SLC24A3: variants seen among roughly 807,000 people sequenced by gnomAD.
SLC24A3 encodes sodium/potassium/calcium exchanger 3.
Under a neutral mutation model 75.8 loss-of-function variants are expected in SLC24A3, and 28 were observed. That is an observed-to-expected ratio of 0.37 (90% confidence interval 0.27 to 0.51). SLC24A3 has a LOEUF of 0.51. Among genes scored for constraint, SLC24A3 ranks in the 20% least tolerant of loss-of-function variants. The pLI, the probability that SLC24A3 is intolerant of heterozygous loss-of-function variation, is 0.94. For synonymous variants in SLC24A3, 372 were observed against 334.1 expected, an observed-to-expected ratio of 1.11 and a Z score of -1.24; for missense variants, 663 against 847.8, an observed-to-expected ratio of 0.78 and a Z score of 2.71.
chr20:19,269,040 A>G (rs1254177151), intron 1 of SLC24A3, among the ~76,000 whole-genome samples: 1 of 152,182 alleles, frequency 6.6e-6, no homozygotes, highest in Non-Finnish European at 1.5e-5. Flanking sequence ...TGGCCTTGGA[A>G]TAGGGGACTC....
chr20:19,645,915 C>T (rs920519219), intron 6 of SLC24A3, among the ~76,000 whole-genome samples: 5 of 152,082 alleles, frequency 3.3e-5, no homozygotes, highest in South Asian at 2.1e-4. Context: ...ATCAGCCCAG[C>T]GTGGTGGCAT....
chr20:19,292,851 G>A (rs147886352), intron 2 of SLC24A3, among the ~76,000 whole-genome samples: 181 of 152,322 alleles, frequency 1.2e-3, no homozygotes, highest in East Asian at 5.4e-3. Context: ...CAGATTCAGT[G>A]TCTGGTGAGG....
chr20:19,591,827 A>G lies in SLC24A3; in HGVS notation c.612+6283A>G, dbSNP rs564249132. 5.3e-5 allele frequency among the ~76,000 whole-genome samples: 8 copies of G among 152,352 alleles called. No homozygotes were observed. In the South Asian group the frequency reaches 1.2e-3, roughly 24 times the overall value. ...AGTTTATTATAAAAAGCAGAGATAA[A>G]TGATTACAGGACAAAGCCTGTGCAC... On this transcript the variant is annotated intron_variant, in intron 6 of 16. Transcript: ENST00000328041.
Position 19,285,278 on chromosome 20 carries a change from G to A in SLC24A3, c.271+4191G>A, listed in dbSNP as rs1983783640. ...GGATTACTTGAGGCCAGGAGTTCGG[G>A]ACCAGCCTGGGCAACATGGTGAAAC... On this transcript the variant is annotated intron_variant, in intron 2 of 16. Transcript: ENST00000328041. Among the ~76,000 whole-genome samples, 4 of 152,074 alleles carry A rather than the reference G, an allele frequency of 2.6e-5. No homozygotes were observed. The South Asian group carries it at 8.3e-4, about 32-fold the overall frequency.
chr20:19,320,148 A>G (rs552471806), intron 2 of SLC24A3, among the ~76,000 whole-genome samples: 3 of 152,312 alleles, frequency 2.0e-5, no homozygotes, highest in African/African-American at 7.2e-5. Context: ...AGACGCGCCA[A>G]TGTCCCTTGT....
intron 12 of SLC24A3, among the ~76,000 whole-genome samples, chr20:19,689,649 G>C (rs1035481558): frequency 6.6e-6 from 1 of 152,186 alleles, no homozygotes; most frequent in Non-Finnish European, 1.5e-5. Flanking sequence ...TGACCCAATG[G>C]TAATAGAGCA....
intron 1 of SLC24A3, among the ~76,000 whole-genome samples, chr20:19,241,239 C>T (rs1982318370): frequency 6.6e-6 from 1 of 152,174 alleles, no homozygotes; most frequent in African/African-American, 2.4e-5. Flanking sequence ...GGGAGGTGTG[C>T]CTGTCTCAGA....
chr20:19,454,536 G>C (rs1011832069), intron 2 of SLC24A3, among the ~76,000 whole-genome samples: 1 of 152,118 alleles, frequency 6.6e-6, no homozygotes, highest in Non-Finnish European at 1.5e-5. Flanking sequence ...GCCCAGGCTT[G>C]GGGGGACTCT....
chr20:19,694,031 C>A (rs6081712), intron 13 of SLC24A3: 55,147 of 152,202 alleles, frequency 0.36, 10,513 homozygotes, highest in African/African-American at 0.46. Context: ...TTTCTTCAGC[C>A]AGACAATGAG....
chr20:19,306,868 A>C (rs1984344966), intron 2 of SLC24A3, among the ~76,000 whole-genome samples: 2 of 141,834 alleles, frequency 1.4e-5, no homozygotes, highest in Non-Finnish European at 2.9e-5. Context: ...AGATTAAAAA[A>C]CAAAAACAAA....
intron 2 of SLC24A3, among the ~76,000 whole-genome samples, chr20:19,361,141 T>C (rs1809457400): frequency 1.3e-5 from 2 of 152,206 alleles, no homozygotes; most frequent in African/African-American, 4.8e-5. Context: ...ATTTTAACTC[T>C]TGTAGACATT....
intron 3 of SLC24A3, among the ~76,000 whole-genome samples, chr20:19,548,747 T>C (rs982854269): frequency 6.6e-6 from 1 of 152,210 alleles, no homozygotes; most frequent in African/African-American, 2.4e-5. Flanking sequence ...TAAGGTCAAC[T>C]GATGAGAGGC....
intron 2 of SLC24A3, among the ~76,000 whole-genome samples, chr20:19,514,054 C>G (rs1416624495): frequency 2.6e-5 from 4 of 152,238 alleles, no homozygotes; most frequent in African/African-American, 9.6e-5. Context: ...GGCCCAAACA[C>G]TTCGTGTGGC....
At chr20:19,346,269 ATGGTG>A (rs1985418358) in intron 2 of SLC24A3, among the ~76,000 whole-genome samples, 1 of 107,426 alleles carries the variant, frequency 9.3e-6, no homozygotes, top group Non-Finnish European at 1.7e-5. Context: ...GTATATATAT[ATGGTG>A]TATATATATA....
intron 3 of SLC24A3, among the ~76,000 whole-genome samples, chr20:19,537,679 A>G (rs941251857): frequency 2.5e-4 from 38 of 152,278 alleles, no homozygotes; most frequent in African/African-American, 8.7e-4. Flanking sequence ...CATATACACC[A>G]TGGAATACTA....
chr20:19,218,150 C>T (rs189753389), intron 1 of SLC24A3, among the ~76,000 whole-genome samples: 15 of 152,250 alleles, frequency 9.9e-5, no homozygotes, highest in South Asian at 2.1e-4. Context: ...CTCTTTTGAT[C>T]GCTGAACTAC....
chr20:19,262,404 CAAAAAAAAAA>C (rs58691860), intron 1 of SLC24A3, among the ~76,000 whole-genome samples: 8 of 75,758 alleles, frequency 1.1e-4, no homozygotes, highest in African/African-American at 4.3e-4. Flanking sequence ...GACTCCGTCT[CAAAAAAAAAA>C]AAAAAAAAAA....
At chr20:19,552,517 A>G (rs1472337884) in intron 3 of SLC24A3, among the ~76,000 whole-genome samples, 1 of 152,128 alleles carries the variant, frequency 6.6e-6, no homozygotes, top group Non-Finnish European at 1.5e-5. Context: ...TATTTCCCCC[A>G]AGTTAAGACA....
chr20:19,441,036 C>T (rs1987290241), intron 2 of SLC24A3, among the ~76,000 whole-genome samples: 1 of 152,126 alleles, frequency 6.6e-6, no homozygotes, highest in Non-Finnish European at 1.5e-5. Context: ...ACATCGCATA[C>T]CTGCAGCCAT....
Sources: gnomAD v4.1 joint callset for allele counts (sites outside exome capture counted in the v4.1 genomes callset) on GRCh38, gnomAD v4.1.1 for gene constraint, MANE v1.5 for transcripts, NCBI Gene and HGNC (gene_info 2026-07-23, HGNC 2026-07-21) for gene names.